PI15: variants seen among roughly 807,000 people sequenced by gnomAD.
The protein encoded by PI15 is 25 kDa trypsin inhibitor.
Under a neutral mutation model 31.0 loss-of-function variants are expected in PI15, and 18 were observed. The ratio of observed to expected loss-of-function variants is 0.58; its 90% CI spans 0.40 to 0.86. The LOEUF (loss-of-function observed/expected upper bound fraction) is 0.86, where lower values mean the gene tolerates loss of function less well. PI15 is among the 40% of genes least tolerant of loss of function. The pLI, the probability that PI15 is intolerant of heterozygous loss-of-function variation, is 0.00. For synonymous variants in PI15, 118 were observed against 119.1 expected, an observed-to-expected ratio of 0.99 and a Z score of 0.06; for missense variants, 282 against 328.1, an observed-to-expected ratio of 0.86 and a Z score of 1.09.
chr8:74,825,171 T>A, intron 1 of PI15, 39 bp from the exon 2 acceptor site: 2 of 1,276,888 alleles, frequency 1.6e-6, no homozygotes, highest in South Asian at 2.5e-5. Flanking sequence ...TGGCCCTATT[T>A]TTTTTCATAG....
At chr8:74,825,075 G>A in intron 1 of PI15, 135 bp from the exon 2 acceptor site, 1 of 669,908 alleles carries the variant, frequency 1.5e-6, no homozygotes, top group Non-Finnish European at 2.6e-6. Context: ...TATCTCCTAG[G>A]CTTGAGTTCA....
chr8:74,844,551 A>G (rs1256141751), intron 3 of PI15, among the ~76,000 whole-genome samples: 1 of 152,124 alleles, frequency 6.6e-6, no homozygotes, highest in African/African-American at 2.4e-5. Flanking sequence ...AGGCATTTAC[A>G]TATGTTTATA....
At chr8:74,834,475 C>T (rs968943654) in intron 2 of PI15, among the ~76,000 whole-genome samples, 5 of 151,968 alleles carry the variant, frequency 3.3e-5, no homozygotes, top group Admixed American at 3.3e-4. Flanking sequence ...TTCTTAGCCT[C>T]AAGACCCTTT....
At chr8:74,843,164 G>A (rs1415459169) in intron 2 of PI15, among the ~76,000 whole-genome samples, 2 of 152,012 alleles carry the variant, frequency 1.3e-5, no homozygotes, top group Non-Finnish European at 2.9e-5. Context: ...GGCTTTTGAC[G>A]GCTGTGAAAA....
intron 2 of PI15, among the ~76,000 whole-genome samples, chr8:74,830,901 C>T (rs2128763763): frequency 6.6e-6 from 1 of 152,260 alleles, no homozygotes; most frequent in African/African-American, 2.4e-5. Context: ...AGAACAATTG[C>T]TGGCAGGAGG....
intron 5 of PI15, among the ~76,000 whole-genome samples, chr8:74,848,508 G>T (rs1046728697): frequency 1.3e-5 from 2 of 151,464 alleles, no homozygotes; most frequent in African/African-American, 4.8e-5. Context: ...GAGCATTAGT[G>T]TGAGTTTAAA....
chr8:74,829,214 T>C lies in PI15; in HGVS notation c.273+3692T>C, dbSNP rs1016768831. Reference sequence around the variant, plus strand: ...TTAGCATTAATTTTGATATTATAAATGTCTTAACAGAGTTTTTGTCATCAT... The same window carrying C: ...TTAGCATTAATTTTGATATTATAAACGTCTTAACAGAGTTTTTGTCATCAT... On this transcript the variant is annotated intron_variant, in intron 2 of 5. Transcript: ENST00000260113. Among the ~76,000 whole-genome samples the C allele has an allele frequency of 2.0e-5, 3 of 152,134 alleles. No homozygotes were observed. In the East Asian group the frequency reaches 5.8e-4, roughly 29 times the overall value.
chr8:74,831,402 C>T (rs545496635), intron 2 of PI15, among the ~76,000 whole-genome samples: 2 of 152,288 alleles, frequency 1.3e-5, no homozygotes, highest in East Asian at 3.9e-4. Context: ...GTCTGCTCCA[C>T]AGAGAATATG....
rs575633564 is a variant in PI15 at position 74,826,326 on chromosome 8, A to G, written c.273+804A>G. ...CACAGCTTGGAGCCTGTTTAAGGCAATGAAGACCATCAATATGGTATTTCC... is the reference window on the plus strand; with the variant it reads ...CACAGCTTGGAGCCTGTTTAAGGCAGTGAAGACCATCAATATGGTATTTCC... On this transcript the variant is annotated intron_variant, in intron 2 of 5. Coordinates refer to ENST00000260113, the MANE Select transcript of PI15 (RefSeq NM_015886.5). The G allele has an allele frequency of 3.7e-5, 36 of 966,454 alleles. No homozygotes were observed. In the African/African-American group the frequency reaches 5.4e-4, roughly 15 times the overall value. 59.9% of individuals were successfully genotyped at this position (966,454 alleles called of 1,614,324 possible).
In PI15 at chr8:74,826,786, T is replaced by C. The variant is rs990010798; in HGVS notation, c.273+1264T>C. On this transcript the variant is annotated intron_variant, in intron 2 of 5. Transcript: ENST00000260113. ...TAAAGGTGGTATCTGCCACACAGCATTGTTGTGAGAAATGTATGAGTTGAC... is the reference window on the plus strand; with the variant it reads ...TAAAGGTGGTATCTGCCACACAGCACTGTTGTGAGAAATGTATGAGTTGAC... Among the ~76,000 whole-genome samples the C allele has an allele frequency of 3.0e-4, 46 of 152,152 alleles. 1 individual carries two copies. The highest frequency in any genetic ancestry group is 1.1e-3 in the African/African-American group (45 of 41,546).
intron 5 of PI15, among the ~76,000 whole-genome samples, chr8:74,848,728 TATATAG>T (rs1308259503): frequency 4.9e-4 from 70 of 141,878 alleles, no homozygotes; most frequent in African/African-American, 1.7e-3. Context: ...TATATATATA[TATATAG>T]AGAGAGAGAG....
At chr8:74,833,246 C>T (rs1026420034) in intron 2 of PI15, among the ~76,000 whole-genome samples, 2 of 151,976 alleles carry the variant, frequency 1.3e-5, no homozygotes, top group African/African-American at 4.8e-5. Context: ...CTATAGTTCC[C>T]TGGAAAGTGG....
intron 2 of PI15, among the ~76,000 whole-genome samples, chr8:74,835,202 T>A (rs1421929455): frequency 2.0e-5 from 3 of 152,144 alleles, no homozygotes; most frequent in East Asian, 1.9e-4. Context: ...GAATTTTTTT[T>A]ATCTTTTTAA....
intron 2 of PI15, among the ~76,000 whole-genome samples, chr8:74,836,070 T>C (rs1430850426): frequency 1.3e-5 from 2 of 152,194 alleles, no homozygotes; most frequent in Non-Finnish European, 2.9e-5. Flanking sequence ...TGAGCAGATA[T>C]AGACTATAAA....
chr8:74,829,550 G>A (rs537877191), intron 2 of PI15, among the ~76,000 whole-genome samples: 13 of 152,210 alleles, frequency 8.5e-5, no homozygotes, highest in Non-Finnish European at 1.3e-4. Context: ...CTGAATTTAA[G>A]TCAATTGAAT....
intron 2 of PI15, among the ~76,000 whole-genome samples, chr8:74,828,892 T>C (rs905985036): frequency 4.6e-5 from 7 of 152,128 alleles, no homozygotes; most frequent in African/African-American, 1.7e-4. Flanking sequence ...TATAATACTA[T>C]CCTTCAAGCT....
chr8:74,839,541 AT>A (rs1212007258), intron 2 of PI15, among the ~76,000 whole-genome samples: 11 of 152,056 alleles, frequency 7.2e-5, no homozygotes, highest in African/African-American at 2.7e-4. Context: ...AATATTCTTA[AT>A]TTTTCCTCAT....
intron 2 of PI15, among the ~76,000 whole-genome samples, chr8:74,831,634 G>A (rs973213904): frequency 1.3e-5 from 2 of 152,112 alleles, no homozygotes; most frequent in South Asian, 4.1e-4. Flanking sequence ...CAAGTCAGGT[G>A]CAAGGCAGTG....
chr8:74,832,401 T>A lies in PI15; in HGVS notation c.273+6879T>A, dbSNP rs576051785. 3.9e-5 allele frequency among the ~76,000 whole-genome samples: 6 copies of A among 152,242 alleles called. No homozygotes were observed. In the East Asian group the frequency reaches 9.7e-4, roughly 25 times the overall value. The stretch of plus-strand genomic sequence containing the variant: ...TACTACAAAGAATTTTGGATGGGTA[T>A]ATCCTTCGGTAGTCAAAATGAACCA... On this transcript the variant is annotated intron_variant, in intron 2 of 5. Coordinates refer to ENST00000260113, the MANE Select transcript of PI15 (RefSeq NM_015886.5).
Sources: allele counts gnomAD v4.1 joint callset (sites outside exome capture counted in the v4.1 genomes callset), GRCh38; gene constraint gnomAD v4.1.1; transcripts MANE v1.5; gene names NCBI Gene and HGNC (gene_info 2026-07-23, HGNC 2026-07-21).